Variants in NHSL1 observed in about 807,000 individuals in gnomAD.
NHSL1 encodes the protein NHS like 1, also known as NHS-like protein 1.
In NHSL1, 48 loss-of-function variants were observed where a neutral mutation model predicts 95.0. The observed-to-expected ratio is 0.51, with a 90% CI of 0.40 to 0.64. The LOEUF is 0.64. Among genes scored for constraint, NHSL1 ranks in the 30% least tolerant of loss-of-function variants. The pLI is 0.00. For synonymous variants in NHSL1, 783 were observed against 833.9 expected (o/e 0.94, Z 1.05); for missense variants, 1,971 against 2,077.7 (o/e 0.95, Z 1.00).
chr6:138,567,994 A>G (rs990490894), intron 1 of NHSL1, among the ~76,000 whole-genome samples: 3 of 152,164 alleles, frequency 2.0e-5, no homozygotes, highest in African/African-American at 7.2e-5. Flanking sequence ...CGGACACCCC[A>G]TATGATTCCA....
At chr6:138,478,484 T>C (rs1779227090) in intron 2 of NHSL1, among the ~76,000 whole-genome samples, 1 of 152,180 alleles carries the variant, frequency 6.6e-6, no homozygotes, top group African/African-American at 2.4e-5. Context: ...ATTCTCCTCT[T>C]GTCAAGTTGC....
intron 1 of NHSL1, among the ~76,000 whole-genome samples, chr6:138,566,587 TA>T (rs147113250): frequency 1.0e-4 from 15 of 150,156 alleles, no homozygotes; most frequent in African/African-American, 1.7e-4. Flanking sequence ...TTTCATAATT[TA>T]AAAAAAAACC....
intron 1 of NHSL1, among the ~76,000 whole-genome samples, chr6:138,683,085 G>A (rs545477482): frequency 2.6e-5 from 4 of 152,312 alleles, no homozygotes; most frequent in African/African-American, 4.8e-5. Flanking sequence ...AAATGGGGGC[G>A]AGAGGGCTCT....
chr6:138,548,231 AC>A (rs1442856865), upstream of NHSL1, among the ~76,000 whole-genome samples: 1 of 151,760 alleles, frequency 6.6e-6, no homozygotes, highest in Non-Finnish European at 1.5e-5. Flanking sequence ...TGATCCACCC[AC>A]CTCAGCCTCC....
At chr6:138,426,969 T>A (rs2128190276) in intron 7 of NHSL1, among the ~76,000 whole-genome samples, 1 of 152,300 alleles carries the variant, frequency 6.6e-6, no homozygotes, top group African/African-American at 2.4e-5. Context: ...CCAACCACTT[T>A]GGGTTTCAGA....
chr6:138,559,335 G>C (rs547289801), intron 1 of NHSL1, among the ~76,000 whole-genome samples: 1 of 152,214 alleles, frequency 6.6e-6, no homozygotes, highest in East Asian at 1.9e-4. Flanking sequence ...GCATCAGCAG[G>C]CTCTTCCACA....
upstream of NHSL1, among the ~76,000 whole-genome samples, chr6:138,575,941 T>C (rs1265030429): frequency 1.3e-5 from 2 of 151,812 alleles, no homozygotes; most frequent in Non-Finnish European, 1.5e-5. Context: ...ACAATAACCC[T>C]GCCGTGGAAA....
At chr6:138,629,931 A>T (rs935251464) in intron 1 of NHSL1, among the ~76,000 whole-genome samples, 43 of 152,350 alleles carry the variant, frequency 2.8e-4, no homozygotes, top group African/African-American at 1.0e-3. Context: ...GTAGTACACA[A>T]TTACTTCCCC....
At chr6:138,436,096 T>C (rs1776080432) in intron 5 of NHSL1, among the ~76,000 whole-genome samples, 1 of 152,140 alleles carries the variant, frequency 6.6e-6, no homozygotes, top group African/African-American at 2.4e-5. Flanking sequence ...ATTAGGTCAA[T>C]TAATAACCCT....
intron 1 of NHSL1, among the ~76,000 whole-genome samples, chr6:138,519,411 AAAT>A (rs1369690735): frequency 1.3e-5 from 2 of 152,260 alleles, no homozygotes; most frequent in African/African-American, 2.4e-5. Flanking sequence ...ATAAACACCC[AAAT>A]ATTGTAATAA....
intron 4 of NHSL1, among the ~76,000 whole-genome samples, chr6:138,446,194 C>T (rs890763471): frequency 7.9e-5 from 12 of 152,134 alleles, no homozygotes; most frequent in South Asian, 4.1e-4. Context: ...CGTGCCACCA[C>T]GCCCTGCTAA....
At chr6:138,678,082 T>A (rs1163329123) in intron 1 of NHSL1, among the ~76,000 whole-genome samples, 1 of 152,168 alleles carries the variant, frequency 6.6e-6, no homozygotes, top group Non-Finnish European at 1.5e-5. Context: ...CATCCTCCAC[T>A]TATTAGCAGG....
intron 1 of NHSL1, among the ~76,000 whole-genome samples, chr6:138,590,948 C>T (rs990570356): frequency 1.3e-5 from 2 of 152,144 alleles, no homozygotes; most frequent in Non-Finnish European, 2.9e-5. Context: ...GCAAATAGCA[C>T]AAATATTTGA....
chr6:138,475,140 A>C (rs1218312694), intron 2 of NHSL1, among the ~76,000 whole-genome samples: 2 of 146,978 alleles, frequency 1.4e-5, no homozygotes, highest in East Asian at 4.1e-4. Flanking sequence ...CAAGAGTGAA[A>C]CTCGGTCTCA....
chr6:138,510,412 G>A (rs573031775), intron 1 of NHSL1, among the ~76,000 whole-genome samples: 267 of 152,308 alleles, frequency 1.8e-3, no homozygotes, highest in African/African-American at 6.1e-3. Flanking sequence ...TCTAGTAATG[G>A]TAAAGGTTAA....
At chr6:138,535,615 A>G (rs571104244) in intron 1 of NHSL1, among the ~76,000 whole-genome samples, 1 of 152,264 alleles carries the variant, frequency 6.6e-6, no homozygotes, top group South Asian at 2.1e-4. Flanking sequence ...AATGACTTCA[A>G]GGTTTTTGGG....
intron 1 of NHSL1, among the ~76,000 whole-genome samples, chr6:138,570,371 T>C (rs747001235): frequency 6.6e-5 from 10 of 152,218 alleles, no homozygotes; most frequent in Non-Finnish European, 1.3e-4. Flanking sequence ...AAACCACAGC[T>C]TATTCCTGAT....
intron 1 of NHSL1, among the ~76,000 whole-genome samples, chr6:138,661,549 G>C (rs1785227054): frequency 6.6e-6 from 1 of 151,184 alleles, no homozygotes; most frequent in East Asian, 1.9e-4. Flanking sequence ...GTAGTCCCAA[G>C]TACTCAGGAG....
Position 138,431,287 on chromosome 6 carries a change from G to A in NHSL1, c.3058C>T (p.Pro1020Ser). ...LPPPLLPSSE[P>S]PPAPPLDPKF... ...GGGTCAAGAGGTGGGGCAGGTGGGG[G>A]TTCCGAGGAAGGTAAGAGAGGTGGG... Residue 1020 changes from proline (P) to serine (S), a missense_variant, in exon 6 of 8, where the codon CCC becomes TCC. Transcript: ENST00000343505. This position sits in a 1 kb window ranked among gnomAD's most constrained non-coding sequence, Gnocchi z 4.0. 1 of 1,500,956 alleles carries A rather than the reference G, an allele frequency of 6.7e-7. No individual in the cohort carries two copies. Among genetic ancestry groups the A allele is most frequent in the South Asian group, 1.3e-5 (1 of 74,920 alleles). 93.0% of individuals were successfully genotyped at this position (1,500,956 alleles called of 1,614,324 possible). A position where few individuals can be genotyped will look rare whatever the true frequency, so the allele number is the denominator to read the frequency against.
Sources: allele counts gnomAD v4.1 joint callset (sites outside exome capture counted in the v4.1 genomes callset), GRCh38; gene constraint gnomAD v4.1.1; non-coding constraint Gnocchi (gnomAD v3.1); transcripts MANE v1.5; gene names NCBI Gene and HGNC (gene_info 2026-07-23, HGNC 2026-07-21).